Variants in MFSD1 observed in about 807,000 individuals in gnomAD.
The protein encoded by MFSD1 is major facilitator superfamily domain containing 1.
MFSD1 carries 59 observed loss-of-function variants against 67.1 expected under a neutral mutation model. That is an observed-to-expected ratio of 0.88 (90% CI 0.71 to 1.09). The LOEUF (loss-of-function observed/expected upper bound fraction) is 1.09. Ranked by LOEUF, MFSD1 falls within the 50% of genes least tolerant of loss-of-function variation. The pLI is 0.00. For missense variants in MFSD1, 552 were observed against 566.1 expected, an observed-to-expected ratio of 0.97 and a Z score of 0.25; for synonymous variants, 213 against 200.3, an observed-to-expected ratio of 1.06 and a Z score of -0.54.
At chr3:158,824,758 T>G (rs995641877) in intron 13 of MFSD1, among the ~76,000 whole-genome samples, 1 of 152,182 alleles carries the variant, frequency 6.6e-6, no homozygotes, top group Non-Finnish European at 1.5e-5. Context: ...AAAAGAAAAT[T>G]CTCCTTAACA....
rs1400518264 is a variant in MFSD1, at chr3:158,822,106, T to C, written c.1043T>C (p.Leu348Pro). 1.2e-6 allele frequency: 2 copies of C among 1,613,770 alleles called. No individual in the cohort carries two copies. The highest frequency in any genetic ancestry group is 1.7e-6 in the Non-Finnish European group (2 of 1,179,706). The change falls in exon 11 of 16, where the codon CTG becomes CCG. Residue 348 changes from leucine (L) to proline (P), a missense_variant. Transcript: ENST00000415822. Reference protein sequence around the residue: ...VAATLVSHMMLAFTMWNPWIA... With the variant: ...VAATLVSHMMPAFTMWNPWIA... Reference sequence around the variant, plus strand: ...GCCACTCTTGTGTCCCACATGATGCTGGCCTTTACGATGTGGAACCCTTGG... The same window carrying C: ...GCCACTCTTGTGTCCCACATGATGCCGGCCTTTACGATGTGGAACCCTTGG...
Position 158,822,109 on chromosome 3 carries a change from C to G in MFSD1, c.1046C>G (p.Ala349Gly). Residue 349 changes from alanine to glycine, a missense_variant, in exon 11 of 16, where the codon GCC becomes GGC. By Grantham distance (60) the Ala-to-Gly change is moderately conservative. Transcript: ENST00000415822. ...AATLVSHMML[A>G]FTMWNPWIAM... ...ACTCTTGTGTCCCACATGATGCTGG[C>G]CTTTACGATGTGGAACCCTTGGATT... The G allele has an allele frequency of 1.9e-6, 3 of 1,613,602 alleles. No individual in the cohort carries two copies. Among genetic ancestry groups the G allele is most frequent in the Non-Finnish European group, 2.5e-6 (3 of 1,179,632 alleles).
rs6770025 is a variant in MFSD1, at chr3:158,810,047, C to T, written c.549+760C>T. On this transcript the variant is annotated intron_variant, in intron 6 of 15. Transcript: ENST00000415822. The stretch of plus-strand genomic sequence containing the variant: ...GTTTCGTTTGTTTGTTTGTTTGAGA[C>T]AGGGTCTCACTTTGTTGCCCAAGCT... Among the ~76,000 whole-genome samples, 590 of 152,270 alleles carry T rather than the reference C, an allele frequency of 3.9e-3. 2 individuals carry two copies. The highest frequency in any genetic ancestry group is 0.014 in the African/African-American group (563 of 41,546).
chr3:158,810,670 T>G (rs1275120057), intron 6 of MFSD1, among the ~76,000 whole-genome samples: 1 of 152,208 alleles, frequency 6.6e-6, no homozygotes, highest in African/African-American at 2.4e-5. Context: ...TATTGAGAGA[T>G]ATTTCCGCAT....
chr3:158,827,427 T>TG (rs1173350291), intron 15 of MFSD1, 90 bp downstream of exon 15: 4 of 728,588 alleles, frequency 5.5e-6, no homozygotes, highest in Non-Finnish European at 8.5e-6. Context: ...GAAGTTTTTT[T>TG]TTTTTTTTTT....
intron 6 of MFSD1, among the ~76,000 whole-genome samples, chr3:158,812,896 C>T (rs1730107732): frequency 6.6e-6 from 1 of 152,084 alleles, no homozygotes; most frequent in Non-Finnish European, 1.5e-5. Context: ...TCCAGGCAAG[C>T]TCCTCTTGGG....
At chr3:158,826,916 C>G (rs1375627861) in intron 14 of MFSD1, among the ~76,000 whole-genome samples, 1 of 152,064 alleles carries the variant, frequency 6.6e-6, no homozygotes, top group East Asian at 1.9e-4. Flanking sequence ...AATCCTCCCG[C>G]CTTAGCCTGG....
chr3:158,807,174 GC>G, intron 4 of MFSD1, 92 bp downstream of exon 4: 4 of 1,220,808 alleles, frequency 3.3e-6, no homozygotes, highest in Non-Finnish European at 4.8e-6. Flanking sequence ...TTTAATTAAT[GC>G]CTAGCTTAAT....
intron 5 of MFSD1, among the ~76,000 whole-genome samples, chr3:158,808,328 C>A (rs573137975): frequency 6.6e-6 from 1 of 152,128 alleles, no homozygotes; most frequent in East Asian, 1.9e-4. Flanking sequence ...ACTGAGGTGG[C>A]CTCGGTGTAA....
chr3:158,815,118 C>A (rs530123302), intron 7 of MFSD1, among the ~76,000 whole-genome samples: 5 of 152,228 alleles, frequency 3.3e-5, no homozygotes, highest in Admixed American at 6.5e-5. Flanking sequence ...AACCAACCAA[C>A]CAAACAAAAC....
At position 158,823,395 on chromosome 3, in the gene MFSD1, A is replaced by G. The variant is rs369242977; in HGVS notation, c.1078-33A>G. On this transcript the variant is annotated intron_variant, in intron 11 of 15. Coordinates refer to ENST00000415822, the MANE Select transcript of MFSD1 (RefSeq NM_022736.4). ...GGAAAATCACCTTTTGGTTAATGTA[A>G]GACTGTGACCTTTTCTGCGTTGCTT... 1.2e-5 allele frequency: 17 copies of G among 1,421,840 alleles called. No individual in the cohort carries two copies. The African/African-American group carries it at 1.7e-4, about 14-fold the overall frequency. The allele number at this position is 1,421,840 out of a possible 1,614,324, so 88.1% of individuals were successfully genotyped here.
chr3:158,809,642 A>G (rs1729902280), intron 6 of MFSD1, among the ~76,000 whole-genome samples: 1 of 152,146 alleles, frequency 6.6e-6, no homozygotes, highest in Non-Finnish European at 1.5e-5. Flanking sequence ...AGGGATTGCA[A>G]GCTTGCTCTG....
intron 7 of MFSD1, among the ~76,000 whole-genome samples, chr3:158,818,570 G>A (rs996511674): frequency 1.3e-5 from 2 of 151,320 alleles, no homozygotes; most frequent in African/African-American, 4.9e-5. Context: ...ATAAGATCAG[G>A]TTTTTAAAAT....
intron 1 of MFSD1, among the ~76,000 whole-genome samples, chr3:158,803,281 A>G (rs1325994555): frequency 6.6e-6 from 1 of 152,180 alleles, no homozygotes; most frequent in African/African-American, 2.4e-5. Flanking sequence ...ATTATGGTGG[A>G]TAACTATTCT....
chr3:158,805,381 C>G lies in MFSD1; in HGVS notation c.236C>G (p.Thr79Arg). The change falls in exon 3 of 16, where the codon ACG becomes AGG. Residue 79 changes from threonine (T) to arginine (R), a missense_variant. Thr to Arg is a moderately conservative substitution (Grantham distance 71). Transcript: ENST00000415822. ...ATATAGGATATGCAAGTGAATACCA[C>G]GAAATTCATGCTGCTGTATGCCTGG... is the stretch of plus-strand genomic sequence containing the variant. ...QVKRDMQVNT[T>R]KFMLLYAWYS... 1 of 1,613,894 alleles carries G rather than the reference C, an allele frequency of 6.2e-7. No homozygotes were observed. Among genetic ancestry groups the G allele is most frequent in the Non-Finnish European group, 8.5e-7 (1 of 1,179,810 alleles).
At chr3:158,826,629 C>G (rs1320736164) in intron 14 of MFSD1, among the ~76,000 whole-genome samples, 6 of 150,454 alleles carry the variant, frequency 4.0e-5, no homozygotes, top group African/African-American at 1.5e-4. Flanking sequence ...TAAATAATTT[C>G]AGGTCATTTC....
chr3:158,802,524 A>G, intron 1 of MFSD1: 1 of 732,892 alleles, frequency 1.4e-6, no homozygotes, highest in Non-Finnish European at 2.4e-6. Context: ...GTGGAGGTCG[A>G]GGGACTGAGC....
intron 12 of MFSD1, among the ~76,000 whole-genome samples, chr3:158,823,827 A>G (rs1354038902): frequency 6.6e-6 from 1 of 152,142 alleles, no homozygotes; most frequent in Non-Finnish European, 1.5e-5. Flanking sequence ...AGAAAGGCAG[A>G]GGGGGGAAAC....
At chr3:158,804,986 A>C (rs936330349) in intron 2 of MFSD1, among the ~76,000 whole-genome samples, 2 of 152,164 alleles carry the variant, frequency 1.3e-5, no homozygotes, top group African/African-American at 4.8e-5. Flanking sequence ...AGGGTAGGGT[A>C]GGTAGGGATA....
Sources: allele counts gnomAD v4.1 joint callset (sites outside exome capture counted in the v4.1 genomes callset), GRCh38; gene constraint gnomAD v4.1.1; transcripts MANE v1.5; gene names NCBI Gene and HGNC (gene_info 2026-07-23, HGNC 2026-07-21).